MCOLN1: variants seen among roughly 807,000 people sequenced by gnomAD.
The protein encoded by MCOLN1 is mucolipin TRP cation channel 1.
A neutral mutation model predicts 70.3 loss-of-function variants in MCOLN1; 50 were observed. The observed-to-expected ratio is 0.71, with a 90% CI of 0.57 to 0.90. The LOEUF is 0.90. Ranked by LOEUF, MCOLN1 falls within the 40% of genes least tolerant of loss-of-function variation. The pLI is 0.00. For missense variants in MCOLN1, 598 were observed against 803.5 expected (o/e 0.74, Z 3.09); for synonymous variants, 366 against 341.0 (o/e 1.07, Z -0.81).
chr19:7,532,246 A>T (rs1427994591), intron 12 of MCOLN1, among the ~76,000 whole-genome samples: 1 of 152,230 alleles, frequency 6.6e-6, no homozygotes, highest in Non-Finnish European at 1.5e-5. Flanking sequence ...AGGATGGCAC[A>T]GGAACAGACA....
In MCOLN1 at chr19:7,528,486, A is replaced by C; in HGVS notation, c.878-111A>C. On this transcript the variant is annotated intron_variant, in intron 7 of 13. Transcript: ENST00000264079. This position sits in a 1 kb window ranked among gnomAD's most constrained non-coding sequence, Gnocchi z 4.2. Reference sequence around the variant, plus strand: ...CAAGCAAGCCCTGAGCCCACTGACCAACCAAAACCAGCCGTGCAGCCCCCT... The same window carrying C: ...CAAGCAAGCCCTGAGCCCACTGACCCACCAAAACCAGCCGTGCAGCCCCCT... The C allele has an allele frequency of 6.9e-7, 1 of 1,444,104 alleles. No homozygotes were observed. Among genetic ancestry groups the C allele is most frequent in the Non-Finnish European group, 9.5e-7 (1 of 1,052,846 alleles). 89.5% of individuals were successfully genotyped at this position (1,444,104 alleles called of 1,614,324 possible).
intron 12 of MCOLN1, among the ~76,000 whole-genome samples, chr19:7,533,054 C>G (rs1447569973): frequency 6.6e-6 from 1 of 152,366 alleles, no homozygotes; most frequent in East Asian, 1.9e-4. Flanking sequence ...GGGTACACCC[C>G]CTTTTCCCCA....
rs746997628 is a variant in MCOLN1, at chr19:7,525,184, G to A, written c.237+18G>A. ...CGGTGCAGGTGAGGCCAGCCAAGCA[G>A]GGGCCCCAGCTGAAGGCCACCTGTG... On this transcript the variant is annotated intron_variant, in intron 2 of 13. Transcript: ENST00000264079. This position sits in a 1 kb window ranked among gnomAD's most constrained non-coding sequence, Gnocchi z 4.2. 5.3e-5 allele frequency: 85 copies of A among 1,612,934 alleles called. 1 individual carries two copies. The South Asian group carries it at 7.4e-4, about 14-fold the overall frequency.
chr19:7,527,747 G>C lies in MCOLN1; in HGVS notation c.681-117G>C, dbSNP rs776843341. 1.3e-5 allele frequency: 14 copies of C among 1,102,640 alleles called. No individual in the cohort carries two copies. In the South Asian group the frequency reaches 1.4e-4, roughly 11 times the overall value. The allele number at this position is 1,102,640 out of a possible 1,614,324, so 68.3% of individuals were successfully genotyped here. ...GGCCCCCCCGCCCGCGCTGGTGCCTGCTGGGTGAGCACTTCCCCTGCCAGC... is the reference window on the plus strand; with the variant it reads ...GGCCCCCCCGCCCGCGCTGGTGCCTCCTGGGTGAGCACTTCCCCTGCCAGC... On this transcript the variant is annotated intron_variant, in intron 5 of 13. Transcript: ENST00000264079.
chr19:7,526,798 C>A lies in MCOLN1; in HGVS notation c.443C>A (p.Ala148Glu). ...CCTGACGTGTCACTGGGCCGGTATG[C>A]GTATGTCCGTGGTGGGGGTGACCCT... ...ALPDVSLGRYAYVRGGGDPWT... is the reference protein window; with the variant it reads ...ALPDVSLGRYEYVRGGGDPWT... The change falls in exon 4 of 14, where the codon GCG becomes GAG. Residue 148 changes from alanine to glutamate, a missense_variant. By Grantham distance (107) the Ala-to-Glu change is moderately radical. Transcript: ENST00000264079. This position sits in a 1 kb window ranked among gnomAD's most constrained non-coding sequence, Gnocchi z 4.6. The A allele has an allele frequency of 6.2e-7, 1 of 1,614,136 alleles. No individual in the cohort carries two copies. Among genetic ancestry groups the A allele is most frequent in the Non-Finnish European group, 8.5e-7 (1 of 1,180,044 alleles).
rs1448772261 is a variant in MCOLN1, at chr19:7,528,643, C to T, written c.924C>T (p.Thr308=). 1 of 1,614,274 alleles carries T rather than the reference C, an allele frequency of 6.2e-7. No homozygotes were observed. The highest frequency in any genetic ancestry group is 1.3e-5 in the African/African-American group (1 of 75,080). ...TGTTTGACGTGGTGGTCATCCTCAC[C>T]TGCTCCCTGTCCTTCCTCCTCTGCG... The part of the protein sequence containing the change: ...RLLFDVVVIL[T]CSLSFLLCAR... Residue 308 remains threonine (T), a synonymous_variant, in exon 8 of 14, where the codon ACC becomes ACT. Coordinates refer to ENST00000264079, the MANE Select transcript of MCOLN1 (RefSeq NM_020533.3). The surrounding 1 kb of genome is among the most constrained non-coding windows in gnomAD (Gnocchi z 4.2).
At position 7,526,822 on chromosome 19, in the gene MCOLN1, C is replaced by A; in HGVS notation, c.467C>A (p.Pro156His). The stretch of plus-strand genomic sequence containing the variant: ...GCGTATGTCCGTGGTGGGGGTGACC[C>A]TTGGACCAATGGCTCAGGGCTTGCT... ...RYAYVRGGGD[P>H]WTNGSGLALC... The change falls in exon 4 of 14, where the codon CCT becomes CAT. Residue 156 changes from proline to histidine, a missense_variant. Physicochemically the swap from Pro to His is moderately conservative, Grantham distance 77 (BLOSUM62 -2). Coordinates refer to ENST00000264079, the MANE Select transcript of MCOLN1 (RefSeq NM_020533.3). The surrounding 1 kb of genome is among the most constrained non-coding windows in gnomAD (Gnocchi z 4.6). 1 of 1,614,142 alleles carries A rather than the reference C, an allele frequency of 6.2e-7. No individual in the cohort carries two copies. Among genetic ancestry groups the A allele is most frequent in the Non-Finnish European group, 8.5e-7 (1 of 1,180,024 alleles).
intron 12 of MCOLN1, among the ~76,000 whole-genome samples, chr19:7,531,344 G>C (rs560556215): frequency 6.7e-4 from 102 of 152,112 alleles, no homozygotes; most frequent in African/African-American, 2.4e-3. Context: ...GGGATTACTT[G>C]CACGTGCCAC....
intron 1 of MCOLN1, 102 bp downstream of exon 1, chr19:7,522,883 A>G: frequency 9.1e-7 from 1 of 1,095,352 alleles, no homozygotes; most frequent in Non-Finnish European, 1.2e-6. Context: ...TCTAAGCTCC[A>G]GCGCTGACTT....
chr19:7,525,118 C>T lies in MCOLN1; in HGVS notation c.189C>T (p.Pro63=), dbSNP rs1182165362. 2 of 1,614,068 alleles carry T rather than the reference C, an allele frequency of 1.2e-6. No individual in the cohort carries two copies. The highest frequency in any genetic ancestry group is 1.7e-5 in the Admixed American group (1 of 60,000). The change falls in exon 2 of 14, where the codon CCC becomes CCT. Residue 63 remains proline (P), a synonymous_variant. Transcript: ENST00000264079. The surrounding 1 kb of genome is among the most constrained non-coding windows in gnomAD (Gnocchi z 4.2). ...AGTTTCGAGCCAAGGGCCGCAAGCC[C>T]TGCAAGCTGATGCTGCAAGTGGTCA... ...CDKFRAKGRK[P]CKLMLQVVKI...
At chr19:7,529,248 A>G in intron 10 of MCOLN1, 46 bp downstream of exon 10, 1 of 1,522,972 alleles carries the variant, frequency 6.6e-7, no homozygotes, top group Non-Finnish European at 9.0e-7. Context: ...GTTACTCCAC[A>G]CCCTCCAAAT....
At chr19:7,530,696 G>A (rs1255481500) in intron 12 of MCOLN1, among the ~76,000 whole-genome samples, 195 bp downstream of exon 12, 1 of 152,186 alleles carries the variant, frequency 6.6e-6, no homozygotes. Flanking sequence ...GCCAGGAGGG[G>A]GCCTGAGTCA....
Position 7,533,839 on chromosome 19 carries a change from A to G in MCOLN1, c.*44A>G. On this transcript the variant is annotated 3_prime_UTR_variant, in exon 14 of 14. Transcript: ENST00000264079. ...GGACCGTAGGCCCTGGACTGCAGAG[A>G]CCCCCGCCCCCGACCCCGCTTATTT... The G allele has an allele frequency of 6.2e-7, 1 of 1,600,966 alleles. No homozygotes were observed. The highest frequency in any genetic ancestry group is 8.6e-7 in the Non-Finnish European group (1 of 1,168,964).
Position 7,526,025 on chromosome 19 carries a change from G to A in MCOLN1, c.238-414G>A, listed in dbSNP as rs1255565913. ...TGTAGTGAGCTGAGATCATACCATG[G>A]CACTCCAACTTGGGCAACAGAGTGA... On this transcript the variant is annotated intron_variant, in intron 2 of 13. Coordinates refer to ENST00000264079, the MANE Select transcript of MCOLN1 (RefSeq NM_020533.3). The surrounding 1 kb of genome is among the most constrained non-coding windows in gnomAD (Gnocchi z 4.6). The A allele has an allele frequency of 2.9e-5, 9 of 307,840 alleles. No homozygotes were observed. The highest frequency in any genetic ancestry group is 2.7e-4 in the South Asian group (9 of 33,842). 19.1% of individuals were successfully genotyped at this position (307,840 alleles called of 1,614,324 possible).
Position 7,528,068 on chromosome 19 carries a change from G to A in MCOLN1, c.778-90G>A. 6.5e-7 allele frequency: 1 copy of A among 1,531,302 alleles called. No homozygotes were observed. The allele number at this position is 1,531,302 out of a possible 1,614,324, so 94.9% of individuals were successfully genotyped here. A position where few individuals can be genotyped will look rare whatever the true frequency, so the allele number is the denominator to read the frequency against. Reference sequence around the variant, plus strand: ...GGGCAAGCGTGCGGGTGATGAGGGAGGGAGCCCGGGGTCTGTCAGGCCACC... The same window carrying A: ...GGGCAAGCGTGCGGGTGATGAGGGAAGGAGCCCGGGGTCTGTCAGGCCACC... On this transcript the variant is annotated intron_variant, in intron 6 of 13. Transcript: ENST00000264079. This position sits in a 1 kb window ranked among gnomAD's most constrained non-coding sequence, Gnocchi z 4.2.
At position 7,528,635 on chromosome 19, in the gene MCOLN1, A is replaced by T; in HGVS notation, c.916A>T (p.Ile306Phe). 2.5e-6 allele frequency: 4 copies of T among 1,614,192 alleles called. No homozygotes were observed. Among genetic ancestry groups the T allele is most frequent in the Non-Finnish European group, 3.4e-6 (4 of 1,180,036 alleles). Reference sequence around the variant, plus strand: ...CCGGCTCCTGTTTGACGTGGTGGTCATCCTCACCTGCTCCCTGTCCTTCCT... The same window carrying T: ...CCGGCTCCTGTTTGACGTGGTGGTCTTCCTCACCTGCTCCCTGTCCTTCCT... ...SFRLLFDVVV[I>F]LTCSLSFLLC... Residue 306 changes from isoleucine (I) to phenylalanine (F), a missense_variant, in exon 8 of 14, where the codon ATC becomes TTC. Ile to Phe is a conservative substitution (Grantham distance 21). This residue lies in a region of MCOLN1 where 461 missense variants were observed against 588.4 expected (regional missense o/e 0.78). Transcript: ENST00000264079. This position sits in a 1 kb window ranked among gnomAD's most constrained non-coding sequence, Gnocchi z 4.2.
chr19:7,533,633 C>G lies in MCOLN1; in HGVS notation c.1686C>G (p.Ser562Arg). 1 of 1,612,708 alleles carries G rather than the reference C, an allele frequency of 6.2e-7. No homozygotes were observed. Among genetic ancestry groups the G allele is most frequent in the East Asian group, 2.2e-5 (1 of 44,838 alleles). ...GCCGCGGGAGCGGCTCGGCCTGCAGCCTTCTCTGCTGCTGCGGAAGGTTCG... is the reference window on the plus strand; with the variant it reads ...GCCGCGGGAGCGGCTCGGCCTGCAGGCTTCTCTGCTGCTGCGGAAGGTTCG... ...KFRRGSGSAC[S>R]LLCCCGRDPS... Residue 562 changes from serine to arginine, a missense_variant, in exon 13 of 14, where the codon AGC (serine) becomes AGG (arginine). By Grantham distance (110) the Ser-to-Arg change is moderately radical. This residue lies in a region of MCOLN1 where 59 missense variants were observed against 58.8 expected (regional missense o/e 1.00). Coordinates refer to ENST00000264079, the MANE Select transcript of MCOLN1 (RefSeq NM_020533.3).
Position 7,528,468 on chromosome 19 carries a change from G to A in MCOLN1, c.878-129G>A. The A allele has an allele frequency of 8.0e-7, 1 of 1,249,782 alleles. No homozygotes were observed. The highest frequency in any genetic ancestry group is 1.1e-6 in the Non-Finnish European group (1 of 883,224). 77.4% of individuals were successfully genotyped at this position (1,249,782 alleles called of 1,614,324 possible). On this transcript the variant is annotated intron_variant, in intron 7 of 13. Transcript: ENST00000264079. This position sits in a 1 kb window ranked among gnomAD's most constrained non-coding sequence, Gnocchi z 4.2. ...GGGGTTCTTGACTCACCCCAAGCAA[G>A]CCCTGAGCCCACTGACCAACCAAAA...
chr19:7,525,824 A>C lies in MCOLN1; in HGVS notation c.238-615A>C, dbSNP rs2022560033. 5.9e-6 allele frequency: 1 copy of C among 169,888 alleles called. No homozygotes were observed. Among genetic ancestry groups the C allele is most frequent in the African/African-American group, 2.4e-5 (1 of 41,590 alleles). 10.5% of individuals were successfully genotyped at this position (169,888 alleles called of 1,614,324 possible). On this transcript the variant is annotated intron_variant, in intron 2 of 13. Coordinates refer to ENST00000264079, the MANE Select transcript of MCOLN1 (RefSeq NM_020533.3). The surrounding 1 kb of genome is among the most constrained non-coding windows in gnomAD (Gnocchi z 4.2). ...ATGCCTGTAATGCCAGCACTTTGGG[A>C]GGCTGAGTTGGGTGGATCATTTGAG... is the stretch of plus-strand genomic sequence containing the variant.
Sources: gnomAD v4.1 joint callset for allele counts (sites outside exome capture counted in the v4.1 genomes callset) on GRCh38, gnomAD v4.1.1 for gene constraint, gnomAD v4.1.1 regional missense constraint, Gnocchi (gnomAD v3.1) non-coding constraint, MANE v1.5 for transcripts, NCBI Gene and HGNC (gene_info 2026-07-23, HGNC 2026-07-21) for gene names.